The following PCSK5 variants were observed in gnomAD, a reference collection of about 807,000 sequenced individuals.
PCSK5 encodes the protein proprotein convertase subtilisin/kexin type 5, also known as prohormone convertase 5.
PCSK5 carries 129 observed loss-of-function variants against 233.2 expected under a neutral mutation model. That is an observed-to-expected ratio of 0.55 (90% CI 0.48 to 0.64). The LOEUF is 0.64. Among genes scored for constraint, PCSK5 ranks in the 30% least tolerant of loss-of-function variants. The probability of loss-of-function intolerance (pLI) is 0.00; values close to 1 mark genes in which losing one functional copy is unlikely to be tolerated. For synonymous variants in PCSK5, 825 were observed against 879.2 expected (o/e 0.94, Z 1.09); for missense variants, 2,076 against 2,430.1 (o/e 0.85, Z 3.06).
Position 76,175,069 on chromosome 9 carries a change from C to T in PCSK5, c.1840C>T (p.Arg614Trp), listed in dbSNP as rs1482448749. The change falls in exon 14 of 38, where the codon CGG (arginine) becomes TGG (tryptophan). Residue 614 changes from arginine (R) to tryptophan (W), a missense_variant. Transcript: ENST00000674117. The part of the protein sequence containing the change: ...SPTNEFPKVE[R>W]FRYSRVEDPT... ...AACCAATGAATTTCCGAAAGTGGAA[C>T]GGTTCCGCTATAGCCGAGTTGAAGA... is the stretch of plus-strand genomic sequence containing the variant. The T allele has an allele frequency of 6.2e-6, 10 of 1,613,998 alleles. No individual in the cohort carries two copies. In the South Asian group the frequency reaches 7.7e-5, roughly 12 times the overall value.
At chr9:76,151,341 T>C (rs1157055385) in intron 10 of PCSK5, among the ~76,000 whole-genome samples, 1 of 152,200 alleles carries the variant, frequency 6.6e-6, no homozygotes, top group Non-Finnish European at 1.5e-5. Context: ...CCTTTTATTC[T>C]GGTGGTTTAC....
chr9:75,955,481 A>G (rs1825054825), intron 2 of PCSK5, among the ~76,000 whole-genome samples: 1 of 152,210 alleles, frequency 6.6e-6, no homozygotes, highest in African/African-American at 2.4e-5. Flanking sequence ...TTTAAACTGT[A>G]GCCTCAAATT....
chr9:76,087,652 C>T (rs972268078), intron 7 of PCSK5, among the ~76,000 whole-genome samples: 2 of 152,152 alleles, frequency 1.3e-5, no homozygotes, highest in African/African-American at 4.8e-5. Flanking sequence ...GCTCAGGAAG[C>T]ACAGAAAATG....
At chr9:76,184,534 G>C (rs912795818) in intron 16 of PCSK5, 139 bp from the exon 17 acceptor site, 6 of 537,128 alleles carry the variant, frequency 1.1e-5, no homozygotes, top group African/African-American at 1.9e-5. Context: ...AACAAATAGT[G>C]ATTCTGTGGC....
At chr9:76,320,063 C>T (rs1047684877) in intron 30 of PCSK5, among the ~76,000 whole-genome samples, 2 of 152,122 alleles carry the variant, frequency 1.3e-5, no homozygotes, top group African/African-American at 4.8e-5. Context: ...CGTGCCCAGC[C>T]ATTCGGGGCC....
At chr9:76,240,979 G>A (rs75752936) in intron 24 of PCSK5, among the ~76,000 whole-genome samples, 4 of 152,198 alleles carry the variant, frequency 2.6e-5, no homozygotes, top group East Asian at 1.9e-4. Flanking sequence ...ACCAGCAACC[G>A]CATTTCAGGT....
intron 1 of PCSK5, among the ~76,000 whole-genome samples, chr9:75,928,594 T>C (rs865825766): frequency 2.1e-4 from 20 of 95,390 alleles, no homozygotes; most frequent in Non-Finnish European, 3.7e-4. Context: ...TACATATAAA[T>C]ACATATATAT....
In PCSK5 at chr9:76,174,982, C is replaced by G; in HGVS notation, c.1757-4C>G. The G allele has an allele frequency of 6.3e-7, 1 of 1,594,706 alleles. No homozygotes were observed. The highest frequency in any genetic ancestry group is 8.5e-7 in the Non-Finnish European group (1 of 1,170,312). On this transcript the variant is annotated splice_polypyrimidine_tract_variant and splice_region_variant and intron_variant, in intron 13 of 37. Transcript: ENST00000674117. ...ATGCTGTGATTTCATTATTATTTCT[C>G]AAGGTAAATTGAAAGAATGGTCTTT...
intron 1 of PCSK5, among the ~76,000 whole-genome samples, chr9:75,924,501 A>G (rs927457706): frequency 6.6e-6 from 1 of 152,108 alleles, no homozygotes; most frequent in African/African-American, 2.4e-5. Flanking sequence ...TTTGAGGTGA[A>G]GGTATACCTT....
intron 34 of PCSK5, among the ~76,000 whole-genome samples, chr9:76,336,368 C>A (rs569278941): frequency 6.6e-6 from 1 of 152,148 alleles, no homozygotes; most frequent in South Asian, 2.1e-4. Flanking sequence ...CAAAGATGAA[C>A]CTTTAGGTTT....
chr9:76,060,869 A>G (rs532762600), intron 5 of PCSK5, among the ~76,000 whole-genome samples: 15 of 152,328 alleles, frequency 9.8e-5, no homozygotes, highest in African/African-American at 3.6e-4. Flanking sequence ...TATATCAGTA[A>G]ACACAGTTAC....
rs557808451 is a variant in PCSK5 at position 75,986,185 on chromosome 9, C to G, written c.351C>G (p.Asp117Glu). The change falls in exon 3 of 38, where the codon GAC becomes GAG. Residue 117 changes from aspartate (D) to glutamate (E), a missense_variant. Transcript: ENST00000674117. Reference sequence around the variant, plus strand: ...AAAAGCGGACAAAGAGGGATTATGACTTCAGTCGTGCCCAGTCTACCTATT... The same window carrying G: ...AAAAGCGGACAAAGAGGGATTATGAGTTCAGTCGTGCCCAGTCTACCTATT... ...VVKKRTKRDY[D>E]FSRAQSTYFN... 5.5e-5 allele frequency: 89 copies of G among 1,613,892 alleles called. 1 individual carries two copies. The South Asian group carries it at 8.9e-4, about 16-fold the overall frequency.
chr9:76,245,789 G>T (rs963984853), intron 24 of PCSK5, among the ~76,000 whole-genome samples: 4 of 152,138 alleles, frequency 2.6e-5, no homozygotes, highest in African/African-American at 9.7e-5. Flanking sequence ...TGTCTTGAAG[G>T]GGGTATTAAG....
intron 9 of PCSK5, among the ~76,000 whole-genome samples, chr9:76,122,333 AT>A (rs1250317184): frequency 6.6e-6 from 1 of 150,788 alleles, no homozygotes; most frequent in African/African-American, 2.4e-5. Context: ...TGGTTCATTT[AT>A]CTTTCCTTTT....
At chr9:75,972,901 A>G (rs1163348546) in intron 2 of PCSK5, among the ~76,000 whole-genome samples, 1 of 152,208 alleles carries the variant, frequency 6.6e-6, no homozygotes, top group Non-Finnish European at 1.5e-5. Context: ...AAAGGGAGAG[A>G]GAAAAGATGT....
At chr9:76,103,455 T>C (rs142917350) in intron 8 of PCSK5, among the ~76,000 whole-genome samples, 3 of 152,282 alleles carry the variant, frequency 2.0e-5, no homozygotes, top group African/African-American at 7.2e-5. Context: ...TTGTCACTTA[T>C]GGCCAAAGTC....
chr9:75,928,306 G>A (rs1280455449), intron 1 of PCSK5, among the ~76,000 whole-genome samples: 2 of 151,728 alleles, frequency 1.3e-5, no homozygotes, highest in Non-Finnish European at 2.9e-5. Flanking sequence ...ATTGTTCCTT[G>A]TTTCAGTCCT....
intron 35 of PCSK5, among the ~76,000 whole-genome samples, chr9:76,343,822 G>A (rs1829903319): frequency 6.6e-6 from 1 of 151,990 alleles, no homozygotes; most frequent in Admixed American, 6.6e-5. Context: ...TTCTACAACT[G>A]TGAACAAGAC....
chr9:76,328,096 G>T lies in PCSK5; in HGVS notation c.4427G>T (p.Cys1476Phe). The change falls in exon 33 of 38, where the codon TGC becomes TTC. Residue 1476 changes from cysteine to phenylalanine, a missense_variant. This residue lies in a region of PCSK5 where 1,510 missense variants were observed against 1,538.1 expected (regional missense o/e 0.98). Transcript: ENST00000674117. ...CTGATCATGAACCCTCGTGGGAGCT[G>T]CATGGCCAACGAGAAGTGCTCACCC... ...KGLIMNPRGS[C>F]MANEKCSPSE... is the part of the protein sequence containing the mutation. 1 of 1,612,834 alleles carries T rather than the reference G, an allele frequency of 6.2e-7. No homozygotes were observed.
Sources: gnomAD v4.1 joint callset for allele counts (sites outside exome capture counted in the v4.1 genomes callset) on GRCh38, gnomAD v4.1.1 for gene constraint, gnomAD v4.1.1 regional missense constraint, MANE v1.5 for transcripts, NCBI Gene and HGNC (gene_info 2026-07-23, HGNC 2026-07-21) for gene names.